PLCXD3: variants seen among roughly 807,000 people sequenced by gnomAD.
PLCXD3 encodes the protein phosphatidylinositol specific phospholipase C X domain containing 3.
Under a neutral mutation model 25.5 loss-of-function variants are expected in PLCXD3, and 19 were observed. That is an observed-to-expected ratio of 0.75 (90% CI 0.52 to 1.09). The LOEUF (loss-of-function observed/expected upper bound fraction) is 1.09. Among genes scored for constraint, PLCXD3 ranks in the 50% least tolerant of loss-of-function variants. The pLI is 0.00. For synonymous variants in PLCXD3, 174 were observed against 137.6 expected (o/e 1.26, Z -1.85); for missense variants, 411 against 388.1 (o/e 1.06, Z -0.50).
intron 1 of PLCXD3, among the ~76,000 whole-genome samples, chr5:41,489,410 C>T (rs1329017516): frequency 7.9e-5 from 12 of 151,976 alleles, no homozygotes; most frequent in East Asian, 3.9e-4. Context: ...CTTGGCGATG[C>T]GGGCTCTTTT....
In PLCXD3 at chr5:41,313,094, G is replaced by T. The variant is rs1315352575; in HGVS notation, c.*523C>A. 1.3e-5 allele frequency: 2 copies of T among 152,836 alleles called. No homozygotes were observed. Among genetic ancestry groups the T allele is most frequent in the African/African-American group, 4.8e-5 (2 of 41,434 alleles). The allele number at this position is 152,836 out of a possible 1,614,324, so 9.5% of individuals were successfully genotyped here. On this transcript the variant is annotated 3_prime_UTR_variant, in exon 3 of 3. Coordinates refer to ENST00000377801, the MANE Select transcript of PLCXD3 (RefSeq NM_001005473.3). Reference sequence around the variant, plus strand: ...GCAGATTTTCTATGACCAAAAATTAGCTATGATTGCCCAACTGTGGATGAC... The same window carrying T: ...GCAGATTTTCTATGACCAAAAATTATCTATGATTGCCCAACTGTGGATGAC...
At chr5:41,490,907 T>C (rs188745322) in intron 1 of PLCXD3, among the ~76,000 whole-genome samples, 5,304 of 152,304 alleles carry the variant, frequency 0.035, 146 homozygotes, top group Non-Finnish European at 0.05. Flanking sequence ...ATTAATTTTT[T>C]GAAGGGTTTT....
At chr5:41,461,733 T>A (rs1747878067) in intron 1 of PLCXD3, among the ~76,000 whole-genome samples, 1 of 151,956 alleles carries the variant, frequency 6.6e-6, no homozygotes, top group African/African-American at 2.4e-5. Context: ...ATGAAGCAGC[T>A]TATTCTGCTC....
At chr5:41,445,637 A>T (rs916956731) in intron 1 of PLCXD3, among the ~76,000 whole-genome samples, 4 of 152,212 alleles carry the variant, frequency 2.6e-5, no homozygotes, top group Non-Finnish European at 5.9e-5. Context: ...TAAGGTCTCC[A>T]AAAAGTAAGA....
chr5:41,350,155 C>T (rs1440033920), intron 2 of PLCXD3, among the ~76,000 whole-genome samples: 1 of 152,074 alleles, frequency 6.6e-6, no homozygotes, highest in East Asian at 1.9e-4. Context: ...GTTTTTAAGC[C>T]CAGTTTAGGC....
chr5:41,434,296 T>A (rs570315979), intron 1 of PLCXD3, among the ~76,000 whole-genome samples: 2 of 152,368 alleles, frequency 1.3e-5, no homozygotes, highest in South Asian at 4.1e-4. Flanking sequence ...ATTCAATGAA[T>A]ACTGAGTGCT....
intron 1 of PLCXD3, among the ~76,000 whole-genome samples, chr5:41,414,901 C>T: frequency 6.6e-6 from 1 of 152,184 alleles, no homozygotes; most frequent in Non-Finnish European, 1.5e-5. Flanking sequence ...GTTTAAATAA[C>T]TCTTATTTTA....
intron 1 of PLCXD3, among the ~76,000 whole-genome samples, chr5:41,448,608 C>T (rs567072474): frequency 1.8e-4 from 28 of 152,242 alleles, no homozygotes; most frequent in African/African-American, 5.5e-4. Flanking sequence ...TTATCTAAAA[C>T]GGAACAACTC....
At chr5:41,327,695 A>G (rs2150472516) in intron 2 of PLCXD3, among the ~76,000 whole-genome samples, 1 of 152,360 alleles carries the variant, frequency 6.6e-6, no homozygotes, top group Admixed American at 6.5e-5. Context: ...TTAACATTTT[A>G]ACATCTATTT....
In PLCXD3 at chr5:41,381,841, T is replaced by C. The variant is rs748602440; in HGVS notation, c.797A>G (p.Glu266Gly). ...AGACACTTACCTTTCTGTGATTGTT[T>C]CTCTGAGGCCACTTGCCACCCCTTT... ...VVKGVASGLRETITERALPAM... is the reference protein window; with the variant it reads ...VVKGVASGLRGTITERALPAM... The change falls in exon 2 of 3, where the codon GAA becomes GGA. Residue 266 changes from glutamate to glycine, a missense_variant. Transcript: ENST00000377801. 1.2e-6 allele frequency: 2 copies of C among 1,606,450 alleles called. No individual in the cohort carries two copies. The highest frequency in any genetic ancestry group is 2.2e-5 in the South Asian group (2 of 90,474).
chr5:41,480,060 A>G (rs921370519), intron 1 of PLCXD3, among the ~76,000 whole-genome samples: 24 of 152,234 alleles, frequency 1.6e-4, no homozygotes, highest in African/African-American at 5.5e-4. Context: ...AGTTGATATT[A>G]TAATGAAACC....
At chr5:41,489,735 T>G (rs1338634403) in intron 1 of PLCXD3, among the ~76,000 whole-genome samples, 1 of 152,130 alleles carries the variant, frequency 6.6e-6, no homozygotes, top group Non-Finnish European at 1.5e-5. Context: ...GCTCTCTGTT[T>G]GTCTGTTATT....
chr5:41,490,958 A>C (rs1422377509), intron 1 of PLCXD3, among the ~76,000 whole-genome samples: 5 of 151,660 alleles, frequency 3.3e-5, no homozygotes, highest in Non-Finnish European at 7.4e-5. Flanking sequence ...GATTTTAGTT[A>C]TTTCTTGCCT....
chr5:41,481,433 G>A (rs531592741), intron 1 of PLCXD3, among the ~76,000 whole-genome samples: 3 of 152,302 alleles, frequency 2.0e-5, no homozygotes, highest in South Asian at 4.1e-4. Context: ...TACTTGAGAT[G>A]AGTCAGATAA....
intron 1 of PLCXD3, among the ~76,000 whole-genome samples, chr5:41,411,876 ATATATATGTAT>A: frequency 4.4e-4 from 1 of 2,260 alleles, no homozygotes; most frequent in Non-Finnish European, 2.4e-3. Context: ...ATATATCTCC[ATATATATGTAT>A]CCATATATAT....
chr5:41,434,926 G>T (rs1177869908), intron 1 of PLCXD3, among the ~76,000 whole-genome samples: 1 of 152,046 alleles, frequency 6.6e-6, no homozygotes, highest in South Asian at 2.1e-4. Context: ...AAAGGAAAGG[G>T]ATATAATTTT....
At chr5:41,346,538 T>C (rs1005442621) in intron 2 of PLCXD3, among the ~76,000 whole-genome samples, 3 of 152,110 alleles carry the variant, frequency 2.0e-5, no homozygotes, top group Admixed American at 2.0e-4. Flanking sequence ...GCCTTTACTG[T>C]CTCTATAATT....
At chr5:41,440,037 G>T (rs907555544) in intron 1 of PLCXD3, among the ~76,000 whole-genome samples, 1 of 151,906 alleles carries the variant, frequency 6.6e-6, no homozygotes, top group East Asian at 1.9e-4. Flanking sequence ...GGAAGGATTC[G>T]CACACAGGTG....
chr5:41,482,749 C>G (rs538238506), intron 1 of PLCXD3, among the ~76,000 whole-genome samples: 67 of 152,204 alleles, frequency 4.4e-4, no homozygotes, highest in Non-Finnish European at 8.7e-4. Context: ...AAAAATCTGA[C>G]TAGGCTATTT....
Sources: gnomAD v4.1 joint callset for allele counts (sites outside exome capture counted in the v4.1 genomes callset) on GRCh38, gnomAD v4.1.1 for gene constraint, MANE v1.5 for transcripts, NCBI Gene and HGNC (gene_info 2026-07-23, HGNC 2026-07-21) for gene names.